Variants in EIF5B observed in about 807,000 individuals in gnomAD.
EIF5B encodes eukaryotic translation initiation factor 5B.
Under a neutral mutation model 147.5 loss-of-function variants are expected in EIF5B, and 47 were observed. That is an observed-to-expected ratio of 0.32 (90% CI 0.25 to 0.41). The LOEUF is 0.41. Among genes scored for constraint, EIF5B ranks in the 10% least tolerant of loss-of-function variants. The probability of loss-of-function intolerance (pLI) is 1.00; values close to 1 mark genes in which losing one functional copy is unlikely to be tolerated. For synonymous variants in EIF5B, 455 were observed against 456.2 expected (o/e 1.00, Z 0.03); for missense variants, 1,064 against 1,413.2 (o/e 0.75, Z 3.96).
Position 99,379,038 on chromosome 2 carries a change from G to A in EIF5B, c.1862G>A (p.Ser621Asn). ...TTCTAGAAACGGCGACTTGAACATA[G>A]TAAAAATGTAAACACCGAAAAGCTA... ...RRIEKRRLEH[S>N]KNVNTEKLRA... The change falls in exon 11 of 24, where the codon AGT becomes AAT. Residue 621 changes from serine to asparagine, a missense_variant. Ser to Asn is a conservative substitution (Grantham distance 46, BLOSUM62 1). Around this residue, in one of 4 missense-constraint regions of EIF5B, gnomAD observed 195 missense variants for 186.3 expected, o/e 1.05. Coordinates refer to ENST00000289371, the MANE Select transcript of EIF5B (RefSeq NM_015904.4). 6.4e-7 allele frequency: 1 copy of A among 1,569,828 alleles called. No homozygotes were observed.
At chr2:99,379,723 A>C (rs1674650787) in intron 12 of EIF5B, among the ~76,000 whole-genome samples, 1 of 152,060 alleles carries the variant, frequency 6.6e-6, no homozygotes, top group Admixed American at 6.6e-5. Flanking sequence ...TTATCCCCAT[A>C]ATTTAAAATT....
At chr2:99,393,574 T>C (rs1364887024) in intron 18 of EIF5B, among the ~76,000 whole-genome samples, 2 of 152,200 alleles carry the variant, frequency 1.3e-5, no homozygotes, top group Non-Finnish European at 2.9e-5. Context: ...AAGTGGACTT[T>C]GAGCCATAGT....
At chr2:99,395,498 T>C (rs1675024454) in intron 21 of EIF5B, among the ~76,000 whole-genome samples, 1 of 152,222 alleles carries the variant, frequency 6.6e-6, no homozygotes, top group African/African-American at 2.4e-5. Flanking sequence ...TATGCCTGGC[T>C]AATTTTTTGT....
intron 6 of EIF5B, among the ~76,000 whole-genome samples, chr2:99,366,523 C>G (rs1444614492): frequency 6.6e-6 from 1 of 152,050 alleles, no homozygotes; most frequent in Non-Finnish European, 1.5e-5. Context: ...GCACAACACA[C>G]ATCCATATAC....
chr2:99,364,475 A>C, intron 6 of EIF5B, 54 bp downstream of exon 6: 1 of 1,467,296 alleles, frequency 6.8e-7, no homozygotes, highest in Middle Eastern at 1.8e-4. Context: ...ACATGCAGTT[A>C]TATCCCTTAA....
rs943549185 is a variant in EIF5B, at chr2:99,366,088, T to C, written c.1288+1667T>C. On this transcript the variant is annotated intron_variant, in intron 6 of 23. Coordinates refer to ENST00000289371, the MANE Select transcript of EIF5B (RefSeq NM_015904.4). ...CTTTAGCCTGTGACTACTAAGCATA[T>C]ACACACACACACATATATGAGTACT... Among the ~76,000 whole-genome samples the C allele has an allele frequency of 1.3e-3, 195 of 151,964 alleles. 4 individuals are homozygous for C. Among genetic ancestry groups the C allele is most frequent in the Non-Finnish European group, 1.5e-3 (101 of 67,936 alleles).
rs774461273 is a variant in EIF5B at position 99,382,770 on chromosome 2, T to C, written c.2130-10T>C. ...TTTCTACTTATAGATCTTTTCCTTC[T>C]TTTCAACAGTAATCTGAGAAATAGA... On this transcript the variant is annotated splice_polypyrimidine_tract_variant and intron_variant, in intron 13 of 23. Transcript: ENST00000289371. 1.5e-5 allele frequency: 24 copies of C among 1,582,346 alleles called. No individual in the cohort carries two copies. The highest frequency in any genetic ancestry group is 1.7e-4 in the Middle Eastern group (1 of 5,822).
chr2:99,377,305 G>T (rs1231321221), intron 10 of EIF5B, among the ~76,000 whole-genome samples: 2 of 151,584 alleles, frequency 1.3e-5, no homozygotes, highest in African/African-American at 4.9e-5. Flanking sequence ...CTCCTGTAAA[G>T]TCTAGGTATG....
chr2:99,346,769 A>C (rs972897189), intron 1 of EIF5B, among the ~76,000 whole-genome samples: 1 of 151,340 alleles, frequency 6.6e-6, no homozygotes, highest in Admixed American at 6.6e-5. Flanking sequence ...ACGGGGTTTC[A>C]TCGCGTTAGC....
chr2:99,376,509 A>G lies in EIF5B; in HGVS notation c.1715A>G (p.Glu572Gly), dbSNP rs774906057. The change falls in exon 10 of 24, where the codon GAG (glutamate) becomes GGG (glycine). Residue 572 changes from glutamate to glycine, a missense_variant. Coordinates refer to ENST00000289371, the MANE Select transcript of EIF5B (RefSeq NM_015904.4). Reference sequence around the variant, plus strand: ...GAGGAAGATGAAAAGGTGTCAGATGAGAAGGATTCAGGGAAGACATTAGAT... The same window carrying G: ...GAGGAAGATGAAAAGGTGTCAGATGGGAAGGATTCAGGGAAGACATTAGAT... Reference protein sequence around the residue: ...GDEEDEKVSDEKDSGKTLDKK... With the variant: ...GDEEDEKVSDGKDSGKTLDKK... 6 of 1,614,134 alleles carry G rather than the reference A, an allele frequency of 3.7e-6. No homozygotes were observed. In the East Asian group the frequency reaches 1.1e-4, roughly 30 times the overall value.
chr2:99,393,896 C>A (rs914191371), intron 18 of EIF5B, among the ~76,000 whole-genome samples: 40 of 152,340 alleles, frequency 2.6e-4, no homozygotes, highest in African/African-American at 8.9e-4. Context: ...CTAGTTAACA[C>A]AGACAAGCTG....
intron 6 of EIF5B, among the ~76,000 whole-genome samples, chr2:99,364,770 A>G (rs902615602): frequency 2.6e-5 from 4 of 152,204 alleles, no homozygotes; most frequent in African/African-American, 7.2e-5. Context: ...TCTACTTTTT[A>G]TCCTAGCATG....
intron 1 of EIF5B, among the ~76,000 whole-genome samples, chr2:99,357,256 C>A (rs1470893819): frequency 1.3e-5 from 2 of 152,118 alleles, no homozygotes; most frequent in African/African-American, 4.8e-5. Context: ...GTAGGAATTT[C>A]ATAGCTATGT....
chr2:99,379,249 TTTC>T, intron 11 of EIF5B, 66 bp from the exon 12 acceptor site: 1 of 1,469,474 alleles, frequency 6.8e-7, no homozygotes, highest in Non-Finnish European at 9.3e-7. Context: ...AAGTTGCTAA[TTTC>T]TTATTATTTT....
intron 1 of EIF5B, among the ~76,000 whole-genome samples, chr2:99,342,318 T>C (rs2094261545): frequency 6.6e-6 from 1 of 152,194 alleles, no homozygotes; most frequent in African/African-American, 2.4e-5. Context: ...TTATAGATTA[T>C]TTGTGACACT....
At chr2:99,355,748 G>A (rs756002890) in intron 1 of EIF5B, among the ~76,000 whole-genome samples, 1 of 151,584 alleles carries the variant, frequency 6.6e-6, no homozygotes, top group Non-Finnish European at 1.5e-5. Context: ...GAGTAGCTGG[G>A]ATTACAGGCA....
chr2:99,374,158 G>A (rs1000484693), intron 9 of EIF5B, among the ~76,000 whole-genome samples: 13 of 151,860 alleles, frequency 8.6e-5, no homozygotes, highest in African/African-American at 1.2e-4. Context: ...GCGTGGTGGC[G>A]TGCGCCTGTA....
intron 1 of EIF5B, among the ~76,000 whole-genome samples, chr2:99,337,977 G>A (rs1409173432): frequency 2.0e-5 from 3 of 152,216 alleles, no homozygotes; most frequent in Non-Finnish European, 4.4e-5. Flanking sequence ...ATACCTGTGA[G>A]TACTTTGGGA....
intron 6 of EIF5B, among the ~76,000 whole-genome samples, chr2:99,364,741 CTTGTTTTGTACCTCTCCATCTACTTTT>C (rs1674292808): frequency 6.6e-6 from 1 of 152,146 alleles, no homozygotes; most frequent in African/African-American, 2.4e-5. Context: ...ATTTGACATT[CTTGTTTTGTACCTCTCCATCTACTTTT>C]TATCCTAGCA....
Sources: gnomAD v4.1 joint callset for allele counts (sites outside exome capture counted in the v4.1 genomes callset) on GRCh38, gnomAD v4.1.1 for gene constraint, gnomAD v4.1.1 regional missense constraint, MANE v1.5 for transcripts, NCBI Gene and HGNC (gene_info 2026-07-23, HGNC 2026-07-21) for gene names.